CDCA8: variants seen among roughly 807,000 people sequenced by gnomAD.
CDCA8 encodes the protein cell division cycle associated 8, also known as borealin.
Under a neutral mutation model 40.0 loss-of-function variants are expected in CDCA8, and 25 were observed. The ratio of observed to expected loss-of-function variants is 0.63; its 90% CI spans 0.46 to 0.87. The LOEUF (loss-of-function observed/expected upper bound fraction) is 0.87, where lower values mean the gene tolerates loss of function less well. Ranked by LOEUF, CDCA8 falls within the 40% of genes least tolerant of loss-of-function variation. CDCA8 has a pLI of 0.00. For synonymous variants in CDCA8, 111 were observed against 126.5 expected, an observed-to-expected ratio of 0.88 and a Z score of 0.82; for missense variants, 280 against 348.4, an observed-to-expected ratio of 0.80 and a Z score of 1.56.
intron 5 of CDCA8, among the ~76,000 whole-genome samples, chr1:37,700,975 C>T (rs1645559108): frequency 6.6e-6 from 1 of 152,184 alleles, no homozygotes; most frequent in African/African-American, 2.4e-5. Flanking sequence ...TGGTTTCTAG[C>T]TAAGGCAAAT....
rs1487965570 is a variant in CDCA8, at chr1:37,693,010, A to G, written c.200A>G (p.Glu67Gly). The G allele has an allele frequency of 2.5e-6, 4 of 1,614,060 alleles. No individual in the cohort carries two copies. The highest frequency in any genetic ancestry group is 1.6e-4 in the Middle Eastern group (1 of 6,062). ...CTGCGGCTCCCCAAGGCTCTGCGCG[A>G]GATGAACTGGCTTGACTACTTCGGT... ...EILRLPKALR[E>G]MNWLDYFALG... The change falls in exon 2 of 10, where the codon GAG becomes GGG. Residue 67 changes from glutamate (E) to glycine (G), a missense_variant. Physicochemically the swap from Glu to Gly is moderately conservative, Grantham distance 98. Transcript: ENST00000373055.
chr1:37,696,436 A>G lies in CDCA8; in HGVS notation c.264+486A>G, dbSNP rs1455489316. Among the ~76,000 whole-genome samples the G allele has an allele frequency of 6.6e-6, 1 of 152,246 alleles. No homozygotes were observed. Among genetic ancestry groups the G allele is most frequent in the Non-Finnish European group, 1.5e-5 (1 of 68,048 alleles). ...TTAAAGCTGCACTGTCCAGTGTAGT[A>G]GCCACTGGGCATATGTAGCTATTTC... On this transcript the variant is annotated intron_variant, in intron 3 of 9. Coordinates refer to ENST00000373055, the MANE Select transcript of CDCA8 (RefSeq NM_001256875.2). This position sits in a 1 kb window ranked among gnomAD's most constrained non-coding sequence, Gnocchi z 5.0.
chr1:37,699,030 G>A, intron 4 of CDCA8, 53 bp downstream of exon 4: 2 of 1,242,596 alleles, frequency 1.6e-6, no homozygotes, highest in Non-Finnish European at 2.4e-6. Flanking sequence ...GGCTCAGGTT[G>A]CTTGGTTGGC....
intron 3 of CDCA8, among the ~76,000 whole-genome samples, chr1:37,697,005 G>A (rs767968150): frequency 6.6e-6 from 1 of 152,214 alleles, no homozygotes; most frequent in Non-Finnish European, 1.5e-5. Context: ...ATGCTTACTA[G>A]CTAATGCAGT....
intron 2 of CDCA8, 105 bp downstream of exon 2, chr1:37,693,138 A>G: frequency 1.1e-6 from 1 of 891,042 alleles, no homozygotes; most frequent in Non-Finnish European, 1.7e-6. Context: ...ATGAGATCTG[A>G]CATGACCACT....
At chr1:37,699,930 A>G (rs1645552917) in intron 4 of CDCA8, among the ~76,000 whole-genome samples, 1 of 152,018 alleles carries the variant, frequency 6.6e-6, no homozygotes, top group South Asian at 2.1e-4. Context: ...AAAAAAAAAA[A>G]AAAGTTACTC....
At chr1:37,705,779 TGTTTTTTG>T (rs1645595199) in intron 8 of CDCA8, among the ~76,000 whole-genome samples, 1 of 99,532 alleles carries the variant, frequency 1.0e-5, no homozygotes, top group South Asian at 4.2e-4. Context: ...TCTGTTTTTC[TGTTTTTTG>T]GTTTTGTTTT....
At chr1:37,697,664 T>A (rs912428631) in intron 3 of CDCA8, among the ~76,000 whole-genome samples, 1 of 152,242 alleles carries the variant, frequency 6.6e-6, no homozygotes, top group Non-Finnish European at 1.5e-5. Flanking sequence ...CAGGCCTTTC[T>A]ATGTGTATCA....
Position 37,705,485 on chromosome 1 carries a change from G to T in CDCA8, c.629G>T (p.Arg210Leu). Residue 210 changes from arginine to leucine, a missense_variant, in exon 8 of 10, where the codon CGG becomes CTG. Coordinates refer to ENST00000373055, the MANE Select transcript of CDCA8 (RefSeq NM_001256875.2). ...CTGCGTACTCCAGCAGCAGGAGAGC[G>T]GATTTACAACATCTCAGGGAATGGC... ...PGLRTPAAGERIYNISGNGSP... is the reference protein window; with the variant it reads ...PGLRTPAAGELIYNISGNGSP... 6.2e-7 allele frequency: 1 copy of T among 1,613,996 alleles called. No individual in the cohort carries two copies. Among genetic ancestry groups the T allele is most frequent in the Non-Finnish European group, 8.5e-7 (1 of 1,179,978 alleles).
chr1:37,692,815 G>A, intron 1 of CDCA8, 31 bp downstream of exon 1: 1 of 1,613,214 alleles, frequency 6.2e-7, no homozygotes, highest in Non-Finnish European at 8.5e-7. Context: ...GGCCTCCTGG[G>A]GCGGTCGCGG....
intron 7 of CDCA8, 25 bp downstream of exon 7, chr1:37,703,372 A>C: frequency 6.7e-7 from 1 of 1,503,068 alleles, no homozygotes; most frequent in Non-Finnish European, 9.3e-7. Flanking sequence ...AAACACTTGG[A>C]TTTGATGGGA....
chr1:37,697,770 G>T (rs1386042936), intron 3 of CDCA8, among the ~76,000 whole-genome samples: 1 of 152,248 alleles, frequency 6.6e-6, no homozygotes, highest in Non-Finnish European at 1.5e-5. Flanking sequence ...TTCTAGAGAT[G>T]GCAGAAGGTT....
At chr1:37,706,060 C>T (rs1237090930) in intron 8 of CDCA8, among the ~76,000 whole-genome samples, 4 of 150,670 alleles carry the variant, frequency 2.7e-5, no homozygotes, top group Non-Finnish European at 4.4e-5. Context: ...CCGCCCTCCT[C>T]GGCGTCCCAA....
At chr1:37,701,673 T>TTA in intron 5 of CDCA8, 81 bp from the exon 6 acceptor site, 4 of 648,608 alleles carry the variant, frequency 6.2e-6, no homozygotes, top group Non-Finnish European at 1.0e-5. Flanking sequence ...CTTAATGCTT[T>TTA]AAAAAAAAAA....
At chr1:37,705,329 G>T in intron 7 of CDCA8, 112 bp from the exon 8 acceptor site, 2 of 890,744 alleles carry the variant, frequency 2.2e-6, no homozygotes, top group Admixed American at 2.3e-5. Context: ...GCTTTCTTAG[G>T]AATGTATGAC....
intron 6 of CDCA8, among the ~76,000 whole-genome samples, chr1:37,702,590 C>T (rs1645572703): frequency 6.6e-6 from 1 of 152,088 alleles, no homozygotes; most frequent in African/African-American, 2.4e-5. Flanking sequence ...GCAGCAGCTG[C>T]CTGGCACAAG....
At chr1:37,699,117 C>G in intron 4 of CDCA8, 140 bp downstream of exon 4, 2 of 608,816 alleles carry the variant, frequency 3.3e-6, no homozygotes, top group Middle Eastern at 2.6e-4. Flanking sequence ...CAAAAACTTG[C>G]TTTTGGATGG....
At position 37,701,740 on chromosome 1, in the gene CDCA8, G is replaced by T; in HGVS notation, c.424-14G>T. ...GTTTTTTGTAACCTTAGTCTCATTT[G>T]ATTGTGACTGCAGGTCAAAAGGTGT... On this transcript the variant is annotated splice_polypyrimidine_tract_variant and intron_variant, in intron 5 of 9. Coordinates refer to ENST00000373055, the MANE Select transcript of CDCA8 (RefSeq NM_001256875.2). 6.3e-7 allele frequency: 1 copy of T among 1,585,954 alleles called. No individual in the cohort carries two copies. Among genetic ancestry groups the T allele is most frequent in the African/African-American group, 1.4e-5 (1 of 73,630 alleles).
intron 3 of CDCA8, among the ~76,000 whole-genome samples, chr1:37,697,153 G>GA (rs1359825100): frequency 6.6e-6 from 1 of 152,210 alleles, no homozygotes; most frequent in Non-Finnish European, 1.5e-5. Context: ...AGGAACGATA[G>GA]AAAATCTATA....
Sources: gnomAD v4.1 joint callset for allele counts (sites outside exome capture counted in the v4.1 genomes callset) on GRCh38, gnomAD v4.1.1 for gene constraint, Gnocchi (gnomAD v3.1) non-coding constraint, MANE v1.5 for transcripts, NCBI Gene and HGNC (gene_info 2026-07-23, HGNC 2026-07-21) for gene names.